NRG2: variants seen among roughly 807,000 people sequenced by gnomAD.
NRG2 encodes the protein neuregulin 2, also known as pro-neuregulin-2, membrane-bound isoform.
Under a neutral mutation model 73.9 loss-of-function variants are expected in NRG2, and 27 were observed. The ratio of observed to expected loss-of-function variants is 0.37; its 90% CI spans 0.27 to 0.50. The LOEUF is 0.50. Among genes scored for constraint, NRG2 ranks in the 20% least tolerant of loss-of-function variants. The pLI is 0.96. For missense variants in NRG2, 1,126 were observed against 1,210.1 expected (o/e 0.93, Z 1.03); for synonymous variants, 532 against 541.0 (o/e 0.98, Z 0.23).
rs1757284417 is a variant in NRG2, at chr5:139,987,797, G to A, written c.700+54573C>T. On this transcript the variant is annotated intron_variant, in intron 1 of 9. Transcript: ENST00000361474. ...GTTTTTTTTTTTTTTTTTTTGAGAC[G>A]AGAGTCTCACTCTGTTGCCCAGGCT... Among the ~76,000 whole-genome samples the A allele has an allele frequency of 1.3e-4, 17 of 133,674 alleles. No individual in the cohort carries two copies. In the South Asian group the frequency reaches 3.4e-3, roughly 27 times the overall value. 87.7% of individuals were successfully genotyped at this position (133,674 alleles called of 152,430 possible). A position where few individuals can be genotyped will look rare whatever the true frequency, so the allele number is the denominator to read the frequency against.
At chr5:140,006,350 T>C (rs1168115238) in intron 1 of NRG2, among the ~76,000 whole-genome samples, 2 of 152,220 alleles carry the variant, frequency 1.3e-5, no homozygotes, top group Non-Finnish European at 2.9e-5. Context: ...ACACTGCTGA[T>C]GTCAAATGGC....
chr5:140,026,018 G>A (rs1020878007), intron 1 of NRG2, among the ~76,000 whole-genome samples: 2 of 152,180 alleles, frequency 1.3e-5, no homozygotes, highest in Non-Finnish European at 2.9e-5. Context: ...GCTTTGAGGA[G>A]AAGTGGAATC....
chr5:139,897,223 A>T (rs1284335080), intron 1 of NRG2, among the ~76,000 whole-genome samples: 1 of 152,218 alleles, frequency 6.6e-6, no homozygotes, highest in Non-Finnish European at 1.5e-5. Context: ...TTGTATAACT[A>T]GGCAAGTTAC....
chr5:140,010,343 T>C (rs920039573), intron 1 of NRG2, among the ~76,000 whole-genome samples: 1 of 152,158 alleles, frequency 6.6e-6, no homozygotes, highest in African/African-American at 2.4e-5. Context: ...TGAATACATG[T>C]TCTCATACAC....
intron 1 of NRG2, among the ~76,000 whole-genome samples, 160 bp downstream of exon 1, chr5:140,042,210 T>G: frequency 6.3e-5 from 1 of 15,788 alleles, no homozygotes; most frequent in East Asian, 1.8e-3. Flanking sequence ...CCCAACCCCC[T>G]CACCCACCCG....
At chr5:139,883,708 C>T (rs894087957) in intron 2 of NRG2, among the ~76,000 whole-genome samples, 2 of 152,096 alleles carry the variant, frequency 1.3e-5, no homozygotes, top group Admixed American at 6.5e-5. Context: ...TGCAGGTGGC[C>T]GTTCTCTCTA....
In NRG2 at chr5:139,938,878, G is replaced by A. The variant is rs375694254; in HGVS notation, c.701-51367C>T. Among the ~76,000 whole-genome samples the A allele has an allele frequency of 9.1e-4, 77 of 84,362 alleles. 5 individuals carry two copies. Among genetic ancestry groups the A allele is most frequent in the Middle Eastern group, 6.6e-3 (1 of 152 alleles). 55.3% of individuals were successfully genotyped at this position (84,362 alleles called of 152,430 possible). ...AGAGAGAGAGAGAGAGAGAGAGAGA[G>A]AGAAGGAAAGAAAGAAAGAAAGAAA... On this transcript the variant is annotated intron_variant, in intron 1 of 9. Coordinates refer to ENST00000361474, the MANE Select transcript of NRG2 (RefSeq NM_004883.3).
chr5:139,890,790 C>A (rs1486293948), intron 1 of NRG2, among the ~76,000 whole-genome samples: 1 of 152,004 alleles, frequency 6.6e-6, no homozygotes, highest in Non-Finnish European at 1.5e-5. Context: ...CAGGTGTGTT[C>A]CTTTATTTTT....
In NRG2 at chr5:140,008,593, G is replaced by C. The variant is rs1759096529; in HGVS notation, c.700+33777C>G. On this transcript the variant is annotated intron_variant, in intron 1 of 9. Transcript: ENST00000361474. The surrounding 1 kb of genome is among the most constrained non-coding windows in gnomAD (Gnocchi z 4.2). ...CTAACTTTGGCTTGTGACCAAAAGA[G>C]AAAAACTAAAACCAAATGAAATGTA... Among the ~76,000 whole-genome samples the C allele has an allele frequency of 1.3e-5, 2 of 152,144 alleles. No homozygotes were observed. Among genetic ancestry groups the C allele is most frequent in the South Asian group, 2.1e-4 (1 of 4,828 alleles).
Position 139,851,388 on chromosome 5 carries a change from C to T in NRG2, c.1772+216G>A, listed in dbSNP as rs906480653. ...AATTAAATTAGATGGTCACTGTCCA[C>T]CAGGGTCCACTGGCCCAACTCTAGT... On this transcript the variant is annotated intron_variant, in intron 9 of 9. Coordinates refer to ENST00000361474, the MANE Select transcript of NRG2 (RefSeq NM_004883.3). The surrounding 1 kb of genome is among the most constrained non-coding windows in gnomAD (Gnocchi z 4.2). Among the ~76,000 whole-genome samples, 3 of 152,224 alleles carry T rather than the reference C, an allele frequency of 2.0e-5. No individual in the cohort carries two copies. The South Asian group carries it at 6.2e-4, about 32-fold the overall frequency.
At position 139,870,255 on chromosome 5, in the gene NRG2, AG is replaced by A; in HGVS notation, c.1112+1465del. Among the ~76,000 whole-genome samples the A allele has an allele frequency of 6.6e-6, 1 of 151,788 alleles. No homozygotes were observed. The stretch of plus-strand genomic sequence containing the variant: ...TAGAGGCAGGAGGCGGGGAAGGATG[AG>A]GGGCTGAGTTTGGGTTGAGAACTTC... On this transcript the variant is annotated intron_variant, in intron 4 of 9. Coordinates refer to ENST00000361474, the MANE Select transcript of NRG2 (RefSeq NM_004883.3). This position sits in a 1 kb window ranked among gnomAD's most constrained non-coding sequence, Gnocchi z 4.4.
chr5:139,847,865 G>T lies in NRG2; in HGVS notation c.*52C>A. 8.6e-7 allele frequency: 1 copy of T among 1,164,304 alleles called. No homozygotes were observed. The highest frequency in any genetic ancestry group is 2.3e-5 in the South Asian group (1 of 43,066). The allele number at this position is 1,164,304 out of a possible 1,614,324, so 72.1% of individuals were successfully genotyped here. A position where few individuals can be genotyped will look rare whatever the true frequency, so the allele number is the denominator to read the frequency against. ...CTTTCTCTCCAGTAGGCGGTCTCTG[G>T]TCTCCTTAAAGATAGTGGGGCGGGC... On this transcript the variant is annotated 3_prime_UTR_variant, in exon 10 of 10. Transcript: ENST00000361474.
At chr5:139,854,346 C>A (rs925595386) in intron 6 of NRG2, among the ~76,000 whole-genome samples, 2 of 152,256 alleles carry the variant, frequency 1.3e-5, no homozygotes, top group Admixed American at 6.5e-5. Context: ...TCAGGGAAAC[C>A]CTTCCTGCTC....
intron 1 of NRG2, among the ~76,000 whole-genome samples, chr5:139,972,710 C>T (rs374792952): frequency 2.6e-5 from 4 of 152,060 alleles, no homozygotes; most frequent in East Asian, 3.9e-4. Context: ...GGTGACAGAG[C>T]GAGACTCTGT....
chr5:140,022,133 G>A (rs975387727), intron 1 of NRG2, among the ~76,000 whole-genome samples: 3 of 152,152 alleles, frequency 2.0e-5, no homozygotes, highest in Non-Finnish European at 4.4e-5. Flanking sequence ...GCAGAACTAG[G>A]TACTGAACTA....
At chr5:139,925,989 C>A (rs1752030104) in intron 1 of NRG2, among the ~76,000 whole-genome samples, 2 of 152,226 alleles carry the variant, frequency 1.3e-5, no homozygotes, top group South Asian at 4.1e-4. Flanking sequence ...TTATTTCCTT[C>A]CAACTCAGCC....
Position 139,847,207 on chromosome 5 carries a change from G to C in NRG2, c.*710C>G, listed in dbSNP as rs1048577788. The C allele has an allele frequency of 1.4e-4, 21 of 152,260 alleles. No individual in the cohort carries two copies. Among genetic ancestry groups the C allele is most frequent in the African/African-American group, 4.3e-4 (18 of 41,452 alleles). The allele number at this position is 152,260 out of a possible 1,614,324, so 9.4% of individuals were successfully genotyped here. On this transcript the variant is annotated 3_prime_UTR_variant, in exon 10 of 10. Transcript: ENST00000361474. ...GCGTCCTGGAGGCTGTGGGGGACAG[G>C]AGCCGCCAACATTGGGCCCCTGGCA...
Position 139,848,479 on chromosome 5 carries a change from G to A in NRG2, c.1991C>T (p.Pro664Leu), listed in dbSNP as rs536701722. Residue 664 changes from proline (P) to leucine (L), a missense_variant, in exon 10 of 10, where the codon CCC becomes CTC. By Grantham distance (98) the Pro-to-Leu change is moderately conservative. Around this residue, in one of 3 missense-constraint regions of NRG2, gnomAD observed 402 missense variants for 357.8 expected, o/e 1.12. Transcript: ENST00000361474. ...GCGCTGCATGTCTGCGCCGGGCCCG[G>A]GCCCGGGCCCGGGTCCGGGTCCCGG... ...PGPGPGPGPGPGPGADMQRSY... is the reference protein window; with the variant it reads ...PGPGPGPGPGLGPGADMQRSY... The A allele has an allele frequency of 6.4e-5, 86 of 1,339,316 alleles. No homozygotes were observed. The highest frequency in any genetic ancestry group is 2.9e-4 in the Admixed American group (7 of 24,196). 83.0% of individuals were successfully genotyped at this position (1,339,316 alleles called of 1,614,324 possible).
At chr5:139,962,425 A>T (rs998653239) in intron 1 of NRG2, among the ~76,000 whole-genome samples, 1 of 152,216 alleles carries the variant, frequency 6.6e-6, no homozygotes, top group African/African-American at 2.4e-5. Context: ...TGAGGAGAAC[A>T]TTCTAGGCAG....
Sources: allele counts gnomAD v4.1 joint callset (sites outside exome capture counted in the v4.1 genomes callset), GRCh38; gene constraint gnomAD v4.1.1; regional missense constraint gnomAD v4.1.1; non-coding constraint Gnocchi (gnomAD v3.1); transcripts MANE v1.5; gene names NCBI Gene and HGNC (gene_info 2026-07-23, HGNC 2026-07-21).